CABIN1: variants seen among roughly 807,000 people sequenced by gnomAD.
CABIN1 encodes the protein calcineurin binding protein 1.
In CABIN1, 133 loss-of-function variants were observed where a neutral mutation model predicts 227.7. That is an observed-to-expected ratio of 0.58 (90% CI 0.51 to 0.67). The LOEUF (loss-of-function observed/expected upper bound fraction) is 0.67, where lower values mean the gene tolerates loss of function less well. CABIN1 is among the 30% of genes least tolerant of loss of function. CABIN1 has a pLI of 0.00. For missense variants in CABIN1, 2,408 were observed against 2,852.5 expected, an observed-to-expected ratio of 0.84 and a Z score of 3.55; for synonymous variants, 1,086 against 1,155.1, an observed-to-expected ratio of 0.94 and a Z score of 1.21.
intron 1 of CABIN1, among the ~76,000 whole-genome samples, chr22:24,020,837 TG>T (rs1601644037): frequency 0.09 from 8,632 of 95,936 alleles, 278 homozygotes; most frequent in South Asian, 0.15. Flanking sequence ...GAGCAGTTTT[TG>T]TGTGTGTGTG....
intron 34 of CABIN1, chr22:24,175,766 G>C (rs1036431951): frequency 4.2e-5 from 18 of 429,494 alleles, no homozygotes; most frequent in Admixed American, 7.2e-5. Flanking sequence ...GAGGGAGAGT[G>C]GACACTGCCC....
chr22:24,165,410 G>A (rs1028626667), intron 30 of CABIN1, 120 bp from the exon 31 acceptor site: 19 of 916,392 alleles, frequency 2.1e-5, no homozygotes, highest in African/African-American at 3.3e-5. Flanking sequence ...GTGGTTAGGT[G>A]GAACACTGAG....
chr22:24,057,594 C>G (rs1281664609), intron 10 of CABIN1, among the ~76,000 whole-genome samples: 1 of 152,208 alleles, frequency 6.6e-6, no homozygotes, highest in Admixed American at 6.5e-5. Context: ...CTATCTAGTT[C>G]TTTCCCATGA....
intron 27 of CABIN1, among the ~76,000 whole-genome samples, chr22:24,115,967 G>A (rs2043060763): frequency 6.6e-6 from 1 of 152,230 alleles, no homozygotes; most frequent in Non-Finnish European, 1.5e-5. Flanking sequence ...AGCAGAAACA[G>A]ATCTGACTGC....
At chr22:24,158,970 G>A (rs1794533741) in intron 29 of CABIN1, among the ~76,000 whole-genome samples, 1 of 152,190 alleles carries the variant, frequency 6.6e-6, no homozygotes, top group South Asian at 2.1e-4. Flanking sequence ...TGGAGGCCAG[G>A]ATTTGTGGGT....
At chr22:24,104,411 G>A (rs2042390544) in intron 26 of CABIN1, among the ~76,000 whole-genome samples, 1 of 152,220 alleles carries the variant, frequency 6.6e-6, no homozygotes, top group Admixed American at 6.5e-5. Context: ...GCATGATGAG[G>A]CCTCCGAGCA....
chr22:24,108,049 G>A (rs933589540), intron 26 of CABIN1, among the ~76,000 whole-genome samples: 1 of 152,262 alleles, frequency 6.6e-6, no homozygotes, highest in Non-Finnish European at 1.5e-5. Context: ...CAGGGCCAGA[G>A]TGAATGCTGC....
chr22:24,134,815 C>T (rs969731914), intron 29 of CABIN1, among the ~76,000 whole-genome samples: 1 of 152,264 alleles, frequency 6.6e-6, no homozygotes, highest in Admixed American at 6.5e-5. Context: ...CGGTGGCTCA[C>T]GCCTGTAGTC....
chr22:24,093,110 A>C (rs1268010543), intron 24 of CABIN1, among the ~76,000 whole-genome samples: 1 of 152,210 alleles, frequency 6.6e-6, no homozygotes, highest in Non-Finnish European at 1.5e-5. Flanking sequence ...TAGAGTCCAA[A>C]GGTGGAATTG....
At position 24,178,516 on chromosome 22, in the gene CABIN1, C is replaced by T; in HGVS notation, c.*320C>T. 2.5e-6 allele frequency: 1 copy of T among 398,088 alleles called. No homozygotes were observed. Among genetic ancestry groups the T allele is most frequent in the South Asian group, 2.3e-5 (1 of 42,952 alleles). 24.7% of individuals were successfully genotyped at this position (398,088 alleles called of 1,614,324 possible). On this transcript the variant is annotated 3_prime_UTR_variant, in exon 37 of 37. Transcript: ENST00000263119. Reference sequence around the variant, plus strand: ...CCACACCCAGCTGGCCATATCCACCCCTCGACGCCGGGATGAGCCGGCTCT... The same window carrying T: ...CCACACCCAGCTGGCCATATCCACCTCTCGACGCCGGGATGAGCCGGCTCT...
At chr22:24,057,584 C>G (rs1366932931) in intron 10 of CABIN1, among the ~76,000 whole-genome samples, 1 of 152,216 alleles carries the variant, frequency 6.6e-6, no homozygotes, top group East Asian at 1.9e-4. Context: ...AGGAGTTAAA[C>G]TATCTAGTTC....
chr22:24,153,250 G>A (rs181809498), intron 29 of CABIN1, among the ~76,000 whole-genome samples: 6 of 152,318 alleles, frequency 3.9e-5, no homozygotes, highest in Admixed American at 3.3e-4. Context: ...AGCATGGCTG[G>A]GGTGGCCTGG....
intron 29 of CABIN1, chr22:24,156,164 C>T (rs2045788727): frequency 1.0e-5 from 4 of 393,068 alleles, no homozygotes; most frequent in Admixed American, 8.9e-5. Context: ...CTCCGCTGCC[C>T]GTCTGGGTCT....
At chr22:24,079,795 G>A (rs2040689649) in intron 19 of CABIN1, among the ~76,000 whole-genome samples, 1 of 152,010 alleles carries the variant, frequency 6.6e-6, no homozygotes, top group Non-Finnish European at 1.5e-5. Flanking sequence ...AAGGTACTCT[G>A]AATTCCAGTC....
At position 24,177,465 on chromosome 22, in the gene CABIN1, CG is replaced by C; in HGVS notation, c.6206-37del. On this transcript the variant is annotated intron_variant, in intron 35 of 36. Transcript: ENST00000263119. This position sits in a 1 kb window ranked among gnomAD's most constrained non-coding sequence, Gnocchi z 4.4. ...GAGATAAAGTGCTCACTGTGTGATG[CG>C]GCAGGCAGGAAGTGCTCTTGGTACC... 6.7e-7 allele frequency: 1 copy of C among 1,484,404 alleles called. No homozygotes were observed. Among genetic ancestry groups the C allele is most frequent in the Non-Finnish European group, 9.0e-7 (1 of 1,109,360 alleles). 92.0% of individuals were successfully genotyped at this position (1,484,404 alleles called of 1,614,324 possible).
chr22:24,164,363 C>G, intron 29 of CABIN1, 37 bp from the exon 30 acceptor site: 1 of 1,599,304 alleles, frequency 6.3e-7, no homozygotes, highest in South Asian at 1.1e-5. Flanking sequence ...CCTGCCACAA[C>G]CACCCCCCTC....
At chr22:24,018,510 A>G (rs150577598) in intron 1 of CABIN1, among the ~76,000 whole-genome samples, 1 of 152,278 alleles carries the variant, frequency 6.6e-6, no homozygotes, top group Non-Finnish European at 1.5e-5. Context: ...ATCTTTTTCC[A>G]ACAGTGAATA....
intron 15 of CABIN1, among the ~76,000 whole-genome samples, chr22:24,064,673 G>T: frequency 6.6e-6 from 1 of 151,780 alleles, no homozygotes; most frequent in Non-Finnish European, 1.5e-5. Context: ...GCCTTCCGCA[G>T]TGTTTGTGTC....
chr22:24,052,487 A>C (rs79258226), intron 8 of CABIN1, among the ~76,000 whole-genome samples: 10,394 of 150,794 alleles, frequency 0.069, 485 homozygotes, highest in Non-Finnish European at 0.11. Context: ...TTTTTAAACA[A>C]TGCTTTAAAA....
Sources: gnomAD v4.1 joint callset for allele counts (sites outside exome capture counted in the v4.1 genomes callset) on GRCh38, gnomAD v4.1.1 for gene constraint, Gnocchi (gnomAD v3.1) non-coding constraint, MANE v1.5 for transcripts, NCBI Gene and HGNC (gene_info 2026-07-23, HGNC 2026-07-21) for gene names.